Variants in DNAH3 observed in about 807,000 individuals in gnomAD.
DNAH3 encodes axonemal beta dynein heavy chain 3.
Under a neutral mutation model 432.5 loss-of-function variants are expected in DNAH3, and 332 were observed. The observed-to-expected ratio is 0.77, with a 90% CI of 0.70 to 0.84. The LOEUF is 0.84. Among genes scored for constraint, DNAH3 ranks in the 40% least tolerant of loss-of-function variants. DNAH3 has a pLI of 0.00. For missense variants in DNAH3, 4,861 were observed against 5,114.0 expected (o/e 0.95, Z 1.51); for synonymous variants, 1,956 against 1,900.2 (o/e 1.03, Z -0.76).
At chr16:21,150,595 C>T (rs554127559) in intron 1 of DNAH3, 61 bp from the exon 2 acceptor site, 11 of 197,824 alleles carry the variant, frequency 5.6e-5, no homozygotes, top group Middle Eastern at 4.7e-3. Context: ...GTTTCTGCTG[C>T]GCTTTTGGCT....
rs200848913 is a variant in DNAH3 at position 21,131,370 on chromosome 16, GAGGA to G, written c.1082+2885_1082+2888del. On this transcript the variant is annotated intron_variant, in intron 7 of 61. Transcript: ENST00000261383. ...AAAGCAAGAAAGAAACAGGGTCACA[GAGGA>G]AGGAAGGAAGGAAGGAAGGAAGGAC... Among the ~76,000 whole-genome samples, 209 of 150,020 alleles carry G rather than the reference GAGGA, an allele frequency of 1.4e-3. 1 individual carries two copies. Among genetic ancestry groups the G allele is most frequent in the Admixed American group, 2.1e-3 (32 of 14,966 alleles).
intron 33 of DNAH3, 47 bp from the exon 34 acceptor site, chr16:21,038,027 C>T: frequency 5.8e-6 from 9 of 1,551,188 alleles, no homozygotes; most frequent in Non-Finnish European, 8.0e-6. Context: ...AGGACTACGT[C>T]CTGCCCAGCA....
At chr16:21,118,584 G>A (rs1326229025) in intron 11 of DNAH3, among the ~76,000 whole-genome samples, 2 of 152,062 alleles carry the variant, frequency 1.3e-5, no homozygotes, top group Non-Finnish European at 2.9e-5. Flanking sequence ...AGGTGCCTGC[G>A]ACCATGCCTA....
chr16:20,949,314 C>A (rs770006413), intron 56 of DNAH3, among the ~76,000 whole-genome samples: 2 of 143,308 alleles, frequency 1.4e-5, no homozygotes. Flanking sequence ...GCAACAAGAG[C>A]GAAACTTCGT....
chr16:20,960,249 T>A (rs1164693157), intron 53 of DNAH3, among the ~76,000 whole-genome samples: 1 of 152,208 alleles, frequency 6.6e-6, no homozygotes, highest in Non-Finnish European at 1.5e-5. Context: ...TGGAAAATAC[T>A]ACACTTTATT....
Position 21,037,984 on chromosome 16 carries a change from G to A in DNAH3, c.4731-4C>T. 6.2e-7 allele frequency: 1 copy of A among 1,613,558 alleles called. No individual in the cohort carries two copies. Among genetic ancestry groups the A allele is most frequent in the Non-Finnish European group, 8.5e-7 (1 of 1,179,710 alleles). On this transcript the variant is annotated splice_region_variant and splice_polypyrimidine_tract_variant and intron_variant, in intron 33 of 61. Coordinates refer to ENST00000261383, the Ensembl canonical transcript of DNAH3. ...CGCAACGATCTTCTGGGCGAGACTAGAAGGGCAAAGACATGTATGCGGACA... is the reference window on the plus strand; with the variant it reads ...CGCAACGATCTTCTGGGCGAGACTAAAAGGGCAAAGACATGTATGCGGACA...
chr16:21,019,820 C>G, exon 41 of DNAH3: 1 of 1,614,152 alleles, frequency 6.2e-7, no homozygotes, highest in Non-Finnish European at 8.5e-7. Context: ...GTTGACTTGA[C>G]AGGCCTTCAC....
At chr16:20,941,444 A>C in exon 59 of DNAH3, 1 of 1,614,094 alleles carries the variant, frequency 6.2e-7, no homozygotes, top group Non-Finnish European at 8.5e-7. Context: ...GTATTCATGG[A>C]TTCTTCATAG....
intron 17 of DNAH3, among the ~76,000 whole-genome samples, 178 bp downstream of exon 17, chr16:21,098,438 C>CAAAAAAAAAAAA (rs57032212): frequency 8.5e-4 from 53 of 62,302 alleles, no homozygotes; most frequent in Non-Finnish European, 1.3e-3. Context: ...GACCTTGTCT[C>CAAAAAAAAAAAA]AAAAAAAAAA....
intron 41 of DNAH3, among the ~76,000 whole-genome samples, chr16:21,003,547 T>C (rs1597114137): frequency 6.6e-6 from 1 of 151,994 alleles, no homozygotes; most frequent in South Asian, 2.1e-4. Flanking sequence ...CTGAGGTGGG[T>C]GGATCACCTG....
At chr16:20,990,418 A>G (rs1230689115) in intron 44 of DNAH3, among the ~76,000 whole-genome samples, 2 of 152,138 alleles carry the variant, frequency 1.3e-5, no homozygotes, top group East Asian at 3.8e-4. Flanking sequence ...ATATTGTACC[A>G]TTCACCCATT....
chr16:20,985,528 G>T, exon 48 of DNAH3: 1 of 1,614,192 alleles, frequency 6.2e-7, no homozygotes, highest in South Asian at 1.1e-5. Context: ...CATGACCAGG[G>T]ACATGGGGGC....
chr16:21,009,959 GGAAGAGGA>G (rs1292508874), intron 41 of DNAH3, among the ~76,000 whole-genome samples: 4 of 139,392 alleles, frequency 2.9e-5, no homozygotes, highest in Non-Finnish European at 4.8e-5. Flanking sequence ...GGAAGGGAAG[GGAAGAGGA>G]GAAGAGAAGA....
intron 20 of DNAH3, among the ~76,000 whole-genome samples, chr16:21,076,547 G>A (rs1049444841): frequency 2.0e-5 from 3 of 152,100 alleles, no homozygotes; most frequent in Admixed American, 6.6e-5. Flanking sequence ...AGTCACTCAC[G>A]CTAAATGGCA....
chr16:21,021,514 C>G (rs1400424722), intron 40 of DNAH3, among the ~76,000 whole-genome samples: 1 of 152,134 alleles, frequency 6.6e-6, no homozygotes, highest in Non-Finnish European at 1.5e-5. Context: ...ACTTTGCCTA[C>G]CAAACTCTAC....
At chr16:21,037,866 G>A in exon 34 of DNAH3, 1 of 1,614,200 alleles carries the variant, frequency 6.2e-7, no homozygotes. Context: ...TGAGCTTCAG[G>A]TTTCCTGCGG....
intron 35 of DNAH3, among the ~76,000 whole-genome samples, chr16:21,035,094 A>AAAGTCCGT (rs2089095924): frequency 6.6e-6 from 1 of 152,208 alleles, no homozygotes; most frequent in African/African-American, 2.4e-5. Context: ...TGGGAGGTCA[A>AAAGTCCGT]GGTGGGGGGA....
chr16:21,157,735 G>A (rs192719285), intron 1 of DNAH3, among the ~76,000 whole-genome samples: 85 of 152,100 alleles, frequency 5.6e-4, no homozygotes, highest in Non-Finnish European at 5.4e-4. Context: ...TGAGAACTGT[G>A]CAACAGCAGA....
At position 20,949,575 on chromosome 16, in the gene DNAH3, CT is replaced by C. The variant is rs939475358; in HGVS notation, c.11189-939del. The stretch of plus-strand genomic sequence containing the variant: ...TAAAATCCGCAGTTTCAGGCATCCA[CT>C]GGGGGTCTTGGAACATATCCCTGGT... On this transcript the variant is annotated intron_variant, in intron 56 of 61. Coordinates refer to ENST00000261383, the Ensembl canonical transcript of DNAH3. 5.6e-4 allele frequency among the ~76,000 whole-genome samples: 86 copies of C among 152,274 alleles called. 1 individual carries two copies. The highest frequency in any genetic ancestry group is 2.0e-3 in the African/African-American group (83 of 41,560).
Sources: allele counts gnomAD v4.1 joint callset (sites outside exome capture counted in the v4.1 genomes callset), GRCh38; gene constraint gnomAD v4.1.1; transcripts MANE v1.5; gene names NCBI Gene and HGNC (gene_info 2026-07-23, HGNC 2026-07-21).